The following NRG3 variants were observed in gnomAD, a reference collection of about 807,000 sequenced individuals.
NRG3 encodes the protein neuregulin 3.
In NRG3, 31 loss-of-function variants were observed where a neutral mutation model predicts 66.9. The observed-to-expected ratio is 0.46, with a 90% confidence interval of 0.35 to 0.63. The LOEUF is 0.63. Ranked by LOEUF, NRG3 falls within the 20% of genes least tolerant of loss-of-function variation. The pLI, the probability that NRG3 is intolerant of heterozygous loss-of-function variation, is 0.00. For synonymous variants in NRG3, 393 were observed against 359.4 expected (o/e 1.09, Z -1.06); for missense variants, 910 against 878.9 (o/e 1.04, Z -0.45).
At chr10:82,536,752 C>T (rs112060196) in intron 2 of NRG3, among the ~76,000 whole-genome samples, 14 of 152,024 alleles carry the variant, frequency 9.2e-5, no homozygotes, top group African/African-American at 3.4e-4. Flanking sequence ...TCATCAGGGT[C>T]TACCTCTGTT....
At chr10:82,063,945 T>A (rs1300008552) in intron 1 of NRG3, among the ~76,000 whole-genome samples, 1 of 152,222 alleles carries the variant, frequency 6.6e-6, no homozygotes, top group Non-Finnish European at 1.5e-5. Flanking sequence ...AGAGAGGGTT[T>A]ACTGCCCTGA....
chr10:82,205,074 A>T (rs2075049403), intron 1 of NRG3, among the ~76,000 whole-genome samples: 1 of 152,238 alleles, frequency 6.6e-6, no homozygotes, highest in Admixed American at 6.5e-5. Flanking sequence ...TGCAATAAGC[A>T]AATGGAAATG....
rs2080928351 is a variant in NRG3 at position 82,309,768 on chromosome 10, C to CG, written c.824-48967dup. On this transcript the variant is annotated intron_variant, in intron 1 of 8. Transcript: ENST00000372141. ...AAACAAAGTCCTGGAATCACAGTGT[C>CG]GGGGAGGTAAGGATCCAGGGTGAAG... Among the ~76,000 whole-genome samples, 5 of 152,090 alleles carry CG rather than the reference C, an allele frequency of 3.3e-5. No individual in the cohort carries two copies. The South Asian group carries it at 1.0e-3, about 32-fold the overall frequency.
At chr10:82,622,936 G>A (rs772097854) in intron 2 of NRG3, among the ~76,000 whole-genome samples, 11 of 151,852 alleles carry the variant, frequency 7.2e-5, no homozygotes, top group Admixed American at 1.3e-4. Context: ...TGTATTAAAT[G>A]CATTTTCAGT....
intron 3 of NRG3, among the ~76,000 whole-genome samples, chr10:82,835,032 G>T (rs539803423): frequency 2.7e-4 from 41 of 152,280 alleles, no homozygotes; most frequent in Admixed American, 5.9e-4. Context: ...AACGAGGCTG[G>T]CACCTTTTCT....
intron 3 of NRG3, among the ~76,000 whole-genome samples, chr10:82,767,588 T>A (rs1469907096): frequency 6.6e-6 from 1 of 152,226 alleles, no homozygotes; most frequent in East Asian, 1.9e-4. Context: ...TAAATTTCTC[T>A]TGGTTGGCTA....
chr10:82,163,951 C>T (rs575958956), intron 1 of NRG3, among the ~76,000 whole-genome samples: 3 of 145,614 alleles, frequency 2.1e-5, no homozygotes, highest in Admixed American at 7.0e-5. Context: ...GATGGAGTCT[C>T]GCTCTGTTGC....
chr10:82,089,094 C>G (rs1416114860), intron 1 of NRG3, among the ~76,000 whole-genome samples: 1 of 151,812 alleles, frequency 6.6e-6, no homozygotes, highest in South Asian at 2.1e-4. Context: ...TTTTCAGGGA[C>G]TTATTTCAAA....
intron 4 of NRG3, among the ~76,000 whole-genome samples, chr10:82,873,590 G>C (rs1841536647): frequency 1.3e-5 from 2 of 152,164 alleles, no homozygotes; most frequent in African/African-American, 4.8e-5. Context: ...TCTAGCTACT[G>C]TGTGTGAAAT....
chr10:82,056,661 C>T (rs2063860243), intron 1 of NRG3, among the ~76,000 whole-genome samples: 1 of 152,116 alleles, frequency 6.6e-6, no homozygotes. Context: ...TTGAAATTTT[C>T]TTTTTTAACA....
At chr10:82,017,582 A>G (rs1259658192) in intron 1 of NRG3, among the ~76,000 whole-genome samples, 1 of 151,966 alleles carries the variant, frequency 6.6e-6, no homozygotes, top group Non-Finnish European at 1.5e-5. Flanking sequence ...CTATTTCTCC[A>G]CATCCTCTCC....
intron 2 of NRG3, among the ~76,000 whole-genome samples, chr10:82,615,130 G>T (rs1164398510): frequency 6.6e-6 from 1 of 152,232 alleles, no homozygotes; most frequent in Middle Eastern, 3.4e-3. Context: ...TCAAATGCTT[G>T]TTAATTACCT....
chr10:82,392,628 G>A (rs1341341127), intron 2 of NRG3, among the ~76,000 whole-genome samples: 1 of 152,054 alleles, frequency 6.6e-6, no homozygotes, highest in Non-Finnish European at 1.5e-5. Context: ...ACTTATTTAG[G>A]ACAATAGCCC....
intron 2 of NRG3, among the ~76,000 whole-genome samples, chr10:82,643,212 G>A (rs2050701322): frequency 6.6e-6 from 1 of 152,124 alleles, no homozygotes. Context: ...GAGGGACCCA[G>A]TGAAAGATAA....
intron 3 of NRG3, among the ~76,000 whole-genome samples, chr10:82,801,466 C>G (rs1467422818): frequency 6.6e-6 from 1 of 152,064 alleles, no homozygotes; most frequent in East Asian, 1.9e-4. Flanking sequence ...GTCATTAAGG[C>G]CAGTAGCAGA....
chr10:82,292,119 T>C (rs2079782952), intron 1 of NRG3, among the ~76,000 whole-genome samples: 1 of 152,004 alleles, frequency 6.6e-6, no homozygotes, highest in Non-Finnish European at 1.5e-5. Context: ...GTCTCAAAAC[T>C]CAACAGTTAA....
intron 1 of NRG3, among the ~76,000 whole-genome samples, chr10:81,904,479 G>C (rs1844393896): frequency 6.6e-6 from 1 of 151,940 alleles, no homozygotes; most frequent in South Asian, 2.1e-4. Flanking sequence ...TCAATGCTAA[G>C]ATCTCCTTAG....
At chr10:82,397,096 T>C (rs2136013957) in intron 2 of NRG3, among the ~76,000 whole-genome samples, 1 of 152,280 alleles carries the variant, frequency 6.6e-6, no homozygotes, top group Admixed American at 6.5e-5. Context: ...CATGGGGCAA[T>C]TGGTGTCCCT....
At chr10:82,901,273 A>C (rs1844194172) in intron 4 of NRG3, among the ~76,000 whole-genome samples, 5 of 152,136 alleles carry the variant, frequency 3.3e-5, no homozygotes. Flanking sequence ...TTACAATTTC[A>C]GCAAATTTGA....
Sources: gnomAD v4.1 joint callset for allele counts (sites outside exome capture counted in the v4.1 genomes callset) on GRCh38, gnomAD v4.1.1 for gene constraint, MANE v1.5 for transcripts, NCBI Gene and HGNC (gene_info 2026-07-23, HGNC 2026-07-21) for gene names.